RDH12: variants seen among roughly 807,000 people sequenced by gnomAD.
RDH12 encodes the protein retinol dehydrogenase 12.
Under a neutral mutation model 34.0 loss-of-function variants are expected in RDH12, and 21 were observed. The ratio of observed to expected loss-of-function variants is 0.62; its 90% confidence interval spans 0.44 to 0.89. The LOEUF (loss-of-function observed/expected upper bound fraction) is 0.89, where lower values mean the gene tolerates loss of function less well. Ranked by LOEUF, RDH12 falls within the 40% of genes least tolerant of loss-of-function variation. RDH12 has a pLI of 0.00. For missense variants in RDH12, 394 were observed against 398.6 expected, an observed-to-expected ratio of 0.99 and a Z score of 0.10; for synonymous variants, 198 against 169.9, an observed-to-expected ratio of 1.17 and a Z score of -1.29.
intron 1 of RDH12, among the ~76,000 whole-genome samples, chr14:67,703,710 C>G (rs1198979261): frequency 1.3e-5 from 2 of 152,186 alleles, no homozygotes; most frequent in Non-Finnish European, 2.9e-5. Context: ...GAGTTTCACT[C>G]TGTTGCCCAG....
At position 67,724,546 on chromosome 14, in the gene RDH12, A is replaced by G. The variant is rs764603104; in HGVS notation, c.142A>G (p.Asn48Asp). The change falls in exon 4 of 9, where the codon AAC (asparagine) becomes GAC (aspartate). Residue 48 changes from asparagine to aspartate, a missense_variant. Physicochemically the swap from Asn to Asp is conservative, Grantham distance 23. Transcript: ENST00000551171. ...PGKVVVITGA[N>D]TGIGKETARE... ...CAAGGTAGTGGTGATCACTGGCGCC[A>G]ACACGGGCATTGGCAAGGAGACGGC... is the stretch of plus-strand genomic sequence containing the variant. 6.2e-6 allele frequency: 10 copies of G among 1,614,082 alleles called. No individual in the cohort carries two copies. The highest frequency in any genetic ancestry group is 8.5e-6 in the Non-Finnish European group (10 of 1,179,956).
rs190664350 is a variant in RDH12 at position 67,730,692 on chromosome 14, C to A, written c.848+1312C>A. ...GATCTTGGCTCACTGCAACTTCAGC[C>A]TCCTGGGTTCAAGCGATTCTCCTGA... On this transcript the variant is annotated intron_variant, in intron 8 of 8. Transcript: ENST00000551171. Among the ~76,000 whole-genome samples the A allele has an allele frequency of 1.3e-4, 20 of 152,224 alleles. No homozygotes were observed. In the East Asian group the frequency reaches 3.7e-3, roughly 28 times the overall value.
chr14:67,730,680 T>G (rs1206387781), intron 8 of RDH12, among the ~76,000 whole-genome samples: 1 of 152,214 alleles, frequency 6.6e-6, no homozygotes, highest in African/African-American at 2.4e-5. Context: ...CTTGGCTCAC[T>G]GCAACTTCAG....
chr14:67,729,153 A>C (rs758482349), intron 7 of RDH12, 38 bp from the exon 8 acceptor site: 1 of 1,599,912 alleles, frequency 6.3e-7, no homozygotes, highest in African/African-American at 1.3e-5. Flanking sequence ...CTGGGCTCAG[A>C]GTGTGTCCCT....
intron 8 of RDH12, among the ~76,000 whole-genome samples, chr14:67,730,611 A>AT (rs1170154652): frequency 1.5e-4 from 22 of 151,230 alleles, no homozygotes; most frequent in East Asian, 9.7e-4. Flanking sequence ...GATCCCAAGC[A>AT]TTTTTTTTTG....
At chr14:67,722,808 C>CA (rs1456706050) in intron 3 of RDH12, 98 bp downstream of exon 3, 4 of 1,043,674 alleles carry the variant, frequency 3.8e-6, no homozygotes, top group Non-Finnish European at 6.0e-6. Flanking sequence ...AGGAGGCTGA[C>CA]AGAGGAGAAA....
intron 1 of RDH12, among the ~76,000 whole-genome samples, chr14:67,704,260 C>G (rs528894686): frequency 6.6e-6 from 1 of 152,130 alleles, no homozygotes; most frequent in Non-Finnish European, 1.5e-5. Context: ...GGAGGAGGAG[C>G]AGCTAGAGGC....
At position 67,725,249 on chromosome 14, in the gene RDH12, T is replaced by C; in HGVS notation, c.338T>C (p.Leu113Pro). The C allele has an allele frequency of 5.0e-6, 8 of 1,613,218 alleles. No individual in the cohort carries two copies. The highest frequency in any genetic ancestry group is 6.8e-6 in the Non-Finnish European group (8 of 1,180,006). The change falls in exon 5 of 9, where the codon CTG becomes CCG. Residue 113 changes from leucine (L) to proline (P), a missense_variant. Leu to Pro is a moderately conservative substitution (Grantham distance 98, BLOSUM62 -3). Coordinates refer to ENST00000551171, the MANE Select transcript of RDH12 (RefSeq NM_152443.3). ...KSIRAFAEGF[L>P]AEEKQLHILI... The stretch of plus-strand genomic sequence containing the variant: ...ATCCGAGCCTTTGCTGAGGGCTTTC[T>C]GGCAGGTGAGGTCCTGATGGGTAGG...
At chr14:67,728,054 T>C (rs2038213295) in intron 7 of RDH12, 1 of 152,208 alleles carries the variant, frequency 6.6e-6, no homozygotes, top group African/African-American at 2.4e-5. Flanking sequence ...TGACTTCATC[T>C]TCTCAGCTGT....
At chr14:67,718,469 T>C (rs886150323) in intron 1 of RDH12, among the ~76,000 whole-genome samples, 2 of 152,208 alleles carry the variant, frequency 1.3e-5, no homozygotes, top group Admixed American at 1.3e-4. Context: ...GCAAGCAGCT[T>C]CCCAGCTCTG....
At chr14:67,718,035 T>C (rs755152662) in intron 1 of RDH12, among the ~76,000 whole-genome samples, 1 of 152,194 alleles carries the variant, frequency 6.6e-6, no homozygotes, top group Non-Finnish European at 1.5e-5. Flanking sequence ...TATTTTAGCT[T>C]TTAAAATCAA....
chr14:67,713,397 C>CAAAAAAAAAAAA (rs71129850), intron 1 of RDH12, among the ~76,000 whole-genome samples: 1 of 47,630 alleles, frequency 2.1e-5, no homozygotes, highest in Non-Finnish European at 4.1e-5. Context: ...AGTAAAACTC[C>CAAAAAAAAAAAA]AAAAAAAAAA....
At chr14:67,711,921 AC>A (rs1478442795) in intron 1 of RDH12, among the ~76,000 whole-genome samples, 1 of 152,092 alleles carries the variant, frequency 6.6e-6, no homozygotes, top group Non-Finnish European at 1.5e-5. Flanking sequence ...GATAGGGACT[AC>A]CTATCTTTTT....
chr14:67,724,098 A>T (rs545836470), intron 3 of RDH12, among the ~76,000 whole-genome samples: 181 of 150,156 alleles, frequency 1.2e-3, no homozygotes, highest in Non-Finnish European at 2.1e-3. Flanking sequence ...GCTAATGTTT[A>T]TCATGCATAT....
At chr14:67,715,244 T>C (rs1161169646) in intron 1 of RDH12, 2 of 151,908 alleles carry the variant, frequency 1.3e-5, no homozygotes, top group African/African-American at 4.8e-5. Context: ...GCCCCCTAAA[T>C]TGAATAGACT....
chr14:67,730,753 G>A (rs1190830695), intron 8 of RDH12, among the ~76,000 whole-genome samples: 3 of 152,004 alleles, frequency 2.0e-5, no homozygotes, highest in South Asian at 2.1e-4. Context: ...ACAGGTGCCC[G>A]CCACCACACC....
In RDH12 at chr14:67,712,493, CAAAAAAAAA is replaced by C. The variant is rs79758974; in HGVS notation, c.-274-8339_-274-8331del. Reference sequence around the variant, plus strand: ...CAGTCAACTGAGAAGAAAAAACTTGCAAAAAAAAAAAAAAAAAAAAAAAAGACAAGGTTT... The same window carrying C: ...CAGTCAACTGAGAAGAAAAAACTTGCAAAAAAAAAAAAAAAGACAAGGTTT... On this transcript the variant is annotated intron_variant, in intron 1 of 8. Coordinates refer to ENST00000551171, the MANE Select transcript of RDH12 (RefSeq NM_152443.3). Among the ~76,000 whole-genome samples, 260 of 38,940 alleles carry C rather than the reference CAAAAAAAAA, an allele frequency of 6.7e-3. 3 individuals are homozygous for C. Among genetic ancestry groups the C allele is most frequent in the Non-Finnish European group, 5.6e-3 (75 of 13,424 alleles). The allele number at this position is 38,940 out of a possible 152,430, so 25.5% of individuals were successfully genotyped here.
chr14:67,709,812 A>C (rs907432970), intron 1 of RDH12, among the ~76,000 whole-genome samples: 1 of 152,222 alleles, frequency 6.6e-6, no homozygotes. Flanking sequence ...CAATGTCACA[A>C]GTACTTTAAA....
At chr14:67,730,507 CGGGTTTTAGATTTTTG>C (rs915727362) in intron 8 of RDH12, among the ~76,000 whole-genome samples, 3 of 152,168 alleles carry the variant, frequency 2.0e-5, no homozygotes, top group South Asian at 4.1e-4. Flanking sequence ...CAGAGTATTT[CGGGTTTTAGATTTTTG>C]GGGTTTGAGA....
Sources: allele counts gnomAD v4.1 joint callset (sites outside exome capture counted in the v4.1 genomes callset), GRCh38; gene constraint gnomAD v4.1.1; transcripts MANE v1.5; gene names NCBI Gene and HGNC (gene_info 2026-07-23, HGNC 2026-07-21).